Variants in GJC2 observed in about 807,000 individuals in gnomAD.
GJC2 encodes the protein gap junction protein gamma 2.
For missense variants in GJC2, 647 were observed against 648.9 expected (o/e 1.00, Z 0.03); for synonymous variants, 336 against 307.5 (o/e 1.09, Z -0.97).
In GJC2 at chr1:228,157,741, A is replaced by AGGCCCCCCCC; in HGVS notation, c.-18_-17insGGCCCCCCCC. 2.8e-6 allele frequency: 1 copy of AGGCCCCCCCC among 354,470 alleles called. No homozygotes were observed. Among genetic ancestry groups the AGGCCCCCCCC allele is most frequent in the Non-Finnish European group, 5.6e-6 (1 of 177,092 alleles). The allele number at this position is 354,470 out of a possible 1,614,324, so 22.0% of individuals were successfully genotyped here. On this transcript the variant is annotated splice_region_variant and 5_prime_UTR_variant, in exon 2 of 2. Transcript: ENST00000366714. Reference sequence around the variant, plus strand: ...GCTGACCCCTACCCCGCCCCACAGGACCCGCCCGCCCGCCCCTATGACCAA... The same window carrying AGGCCCCCCCC: ...GCTGACCCCTACCCCGCCCCACAGGAGGCCCCCCCCCCCGCCCGCCCGCCCCTATGACCAA...
At chr1:228,153,515 T>A (rs912948614) in intron 1 of GJC2, among the ~76,000 whole-genome samples, 2 of 151,176 alleles carry the variant, frequency 1.3e-5, no homozygotes. Flanking sequence ...GCTTCCCGAG[T>A]AGCTAGAAGT....
rs1317955145 is a variant in GJC2 at position 228,158,858 on chromosome 1, G to A, written c.1100G>A (p.Arg367His). ...CGCGACGGGGCAGCGGCTGGGGACCGCGACCGGGACAGTTCGCCGTGCGTC... is the reference window on the plus strand; with the variant it reads ...CGCGACGGGGCAGCGGCTGGGGACCACGACCGGGACAGTTCGCCGTGCGTC... ...ALRDGAAAGD[R>H]DRDSSPCVGL... Residue 367 changes from arginine to histidine, a missense_variant, in exon 2 of 2, where the codon CGC becomes CAC. Arg to His is a conservative substitution (Grantham distance 29). Transcript: ENST00000366714. The surrounding 1 kb of genome is among the most constrained non-coding windows in gnomAD (Gnocchi z 8.3). 1.4e-6 allele frequency: 2 copies of A among 1,477,692 alleles called. No individual in the cohort carries two copies. Among genetic ancestry groups the A allele is most frequent in the Admixed American group, 2.3e-5 (1 of 43,396 alleles). The allele number at this position is 1,477,692 out of a possible 1,614,324, so 91.5% of individuals were successfully genotyped here.
intron 1 of GJC2, among the ~76,000 whole-genome samples, chr1:228,153,928 G>A (rs1020473694): frequency 2.0e-5 from 3 of 152,104 alleles, no homozygotes; most frequent in African/African-American, 7.2e-5. Flanking sequence ...CCAGCATGGT[G>A]GCATGTGCCT....
At position 228,158,909 on chromosome 1, in the gene GJC2, C is replaced by T. The variant is rs775264492; in HGVS notation, c.1151C>T (p.Pro384Leu). ...CVGLPAASRG[P>L]PRAGAPASRT... ...GGCCTCCCTGCGGCCTCCCGGGGGCCCCCCAGAGCAGGCGCCCCCGCGTCC... is the reference window on the plus strand; with the variant it reads ...GGCCTCCCTGCGGCCTCCCGGGGGCTCCCCAGAGCAGGCGCCCCCGCGTCC... The change falls in exon 2 of 2, where the codon CCC (proline) becomes CTC (leucine). Residue 384 changes from proline (P) to leucine (L), a missense_variant. Transcript: ENST00000366714. This position sits in a 1 kb window ranked among gnomAD's most constrained non-coding sequence, Gnocchi z 8.3. The T allele has an allele frequency of 1.3e-6, 2 of 1,491,854 alleles. No individual in the cohort carries two copies. Among genetic ancestry groups the T allele is most frequent in the South Asian group, 1.3e-5 (1 of 79,152 alleles). 92.4% of individuals were successfully genotyped at this position (1,491,854 alleles called of 1,614,324 possible). A position where few individuals can be genotyped will look rare whatever the true frequency, so the allele number is the denominator to read the frequency against.
At chr1:228,157,659 G>A in intron 1 of GJC2, 81 bp from the exon 2 acceptor site, 1 of 773,180 alleles carries the variant, frequency 1.3e-6, no homozygotes, top group Non-Finnish European at 2.1e-6. Context: ...GGCCAGCTGC[G>A]AGGCAAGCCT....
chr1:228,154,940 C>A (rs2034662018), intron 1 of GJC2, among the ~76,000 whole-genome samples: 1 of 152,206 alleles, frequency 6.6e-6, no homozygotes, highest in African/African-American at 2.4e-5. Flanking sequence ...AAGGCCTGGG[C>A]CCCAGGTAGA....
At chr1:228,156,947 C>T (rs999724872) in intron 1 of GJC2, among the ~76,000 whole-genome samples, 1 of 152,274 alleles carries the variant, frequency 6.6e-6, no homozygotes, top group Non-Finnish European at 1.5e-5. Flanking sequence ...GACACCGTCC[C>T]TCCTGGACGG....
intron 1 of GJC2, among the ~76,000 whole-genome samples, chr1:228,157,341 G>A (rs1277717099): frequency 2.0e-5 from 3 of 152,150 alleles, no homozygotes; most frequent in Non-Finnish European, 4.4e-5. Context: ...GGGAGCTGGA[G>A]GGGCCAGGAG....
At position 228,159,224 on chromosome 1, in the gene GJC2, G is replaced by C; in HGVS notation, c.*146G>C. On this transcript the variant is annotated 3_prime_UTR_variant, in exon 2 of 2. Transcript: ENST00000366714. This position sits in a 1 kb window ranked among gnomAD's most constrained non-coding sequence, Gnocchi z 4.0. ...GGGGCAGCCAGGCTGCTCAGGGAAG[G>C]GGCTGAAAGCGGCAGAGGAGTGCCC... 1 of 985,992 alleles carries C rather than the reference G, an allele frequency of 1.0e-6. No individual in the cohort carries two copies. 61.1% of individuals were successfully genotyped at this position (985,992 alleles called of 1,614,324 possible).
chr1:228,151,215 C>G lies in GJC2; in HGVS notation c.-20+1208C>G, dbSNP rs1482452702. 6.6e-6 allele frequency among the ~76,000 whole-genome samples: 1 copy of G among 152,114 alleles called. No homozygotes were observed. Among genetic ancestry groups the G allele is most frequent in the Non-Finnish European group, 1.5e-5 (1 of 67,984 alleles). On this transcript the variant is annotated intron_variant, in intron 1 of 1. Transcript: ENST00000366714. The surrounding 1 kb of genome is among the most constrained non-coding windows in gnomAD (Gnocchi z 5.4). ...GGAGGAGGCACCAGCCTGGATGCTGCCTTGCCACCTGCACGTGTGCACGGC... is the reference window on the plus strand; with the variant it reads ...GGAGGAGGCACCAGCCTGGATGCTGGCTTGCCACCTGCACGTGTGCACGGC...
chr1:228,157,781 T>G lies in GJC2; in HGVS notation c.23T>G (p.Phe8Cys). The change falls in exon 2 of 2, where the codon TTC becomes TGC. Residue 8 changes from phenylalanine to cysteine, a missense_variant. Transcript: ENST00000366714. MTNMSWS[F>C]LTRLLEEIHN... is the part of the protein sequence containing the mutation. Reference sequence around the variant, plus strand: ...CCTATGACCAACATGAGCTGGAGCTTCCTGACGCGGCTGCTGGAGGAGATC... The same window carrying G: ...CCTATGACCAACATGAGCTGGAGCTGCCTGACGCGGCTGCTGGAGGAGATC... The G allele has an allele frequency of 2.0e-6, 2 of 1,001,020 alleles. No homozygotes were observed. Among genetic ancestry groups the G allele is most frequent in the Non-Finnish European group, 2.7e-6 (2 of 729,006 alleles). The allele number at this position is 1,001,020 out of a possible 1,614,324, so 62.0% of individuals were successfully genotyped here. A position where few individuals can be genotyped will look rare whatever the true frequency, so the allele number is the denominator to read the frequency against.
chr1:228,155,210 A>G (rs1359456819), intron 1 of GJC2, among the ~76,000 whole-genome samples: 1 of 152,184 alleles, frequency 6.6e-6, no homozygotes, highest in African/African-American at 2.4e-5. Flanking sequence ...TGGCGAGGCC[A>G]GGTAGCAAAG....
chr1:228,158,025 G>A lies in GJC2; in HGVS notation c.267G>A (p.Thr89=), dbSNP rs1157542857. Residue 89 remains threonine (T), a synonymous_variant, in exon 2 of 2, where the codon ACG becomes ACA. Coordinates refer to ENST00000366714, the MANE Select transcript of GJC2 (RefSeq NM_020435.4). The surrounding 1 kb of genome is among the most constrained non-coding windows in gnomAD (Gnocchi z 8.3). ...TCTTCCAGATTGTGGTCATCTCCACGCCCTCGGTCATGTACCTGGGCTACG... is the reference window on the plus strand; with the variant it reads ...TCTTCCAGATTGTGGTCATCTCCACACCCTCGGTCATGTACCTGGGCTACG... The part of the protein sequence containing the change: ...FWVFQIVVIS[T]PSVMYLGYAV... 1 of 1,611,066 alleles carries A rather than the reference G, an allele frequency of 6.2e-7. No individual in the cohort carries two copies. Among genetic ancestry groups the A allele is most frequent in the Non-Finnish European group, 8.5e-7 (1 of 1,179,556 alleles).
At position 228,158,970 on chromosome 1, in the gene GJC2, G is replaced by A. The variant is rs779145910; in HGVS notation, c.1212G>A (p.Gly404=). 4 of 1,593,518 alleles carry A rather than the reference G, an allele frequency of 2.5e-6. No homozygotes were observed. The highest frequency in any genetic ancestry group is 1.7e-6 in the Non-Finnish European group (2 of 1,171,900). Residue 404 remains glycine (G), a synonymous_variant, in exon 2 of 2, where the codon GGG becomes GGA. Transcript: ENST00000366714. The surrounding 1 kb of genome is among the most constrained non-coding windows in gnomAD (Gnocchi z 8.3). ...TGSATSAGTV[G]EQGRPGTHER... ...GTGCTACCTCTGCGGGCACTGTCGG[G>A]GAGCAGGGCCGGCCCGGCACCCACG...
rs2034701717 is a variant in GJC2 at position 228,157,612 on chromosome 1, G to A, written c.-19-128G>A. The A allele has an allele frequency of 8.1e-6, 5 of 619,252 alleles. No individual in the cohort carries two copies. The East Asian group carries it at 1.1e-4, about 14-fold the overall frequency. The allele number at this position is 619,252 out of a possible 1,614,324, so 38.4% of individuals were successfully genotyped here. A position where few individuals can be genotyped will look rare whatever the true frequency, so the allele number is the denominator to read the frequency against. On this transcript the variant is annotated intron_variant, in intron 1 of 1. Coordinates refer to ENST00000366714, the MANE Select transcript of GJC2 (RefSeq NM_020435.4). The stretch of plus-strand genomic sequence containing the variant: ...GGGGGCTTCCACTTCCGTTTAAGGC[G>A]GTAAGCTCCACGTCATTGACTGTGT...
rs1003777940 is a variant in GJC2 at position 228,150,041 on chromosome 1, G to A, written c.-20+34G>A. 3 of 152,266 alleles carry A rather than the reference G, an allele frequency of 2.0e-5. No homozygotes were observed. The highest frequency in any genetic ancestry group is 4.4e-5 in the Non-Finnish European group (3 of 68,108). 9.4% of individuals were successfully genotyped at this position (152,266 alleles called of 1,614,324 possible). A position where few individuals can be genotyped will look rare whatever the true frequency, so the allele number is the denominator to read the frequency against. ...CTGGGGTCCATGTATGTACCTCATGGGGCTGGGGGCTGTTGCCCCAGGAGA... is the reference window on the plus strand; with the variant it reads ...CTGGGGTCCATGTATGTACCTCATGAGGCTGGGGGCTGTTGCCCCAGGAGA... On this transcript the variant is annotated intron_variant, in intron 1 of 1. Transcript: ENST00000366714. The surrounding 1 kb of genome is among the most constrained non-coding windows in gnomAD (Gnocchi z 4.6).
In GJC2 at chr1:228,151,181, C is replaced by T. The variant is rs2034612510; in HGVS notation, c.-20+1174C>T. ...GCCAACAACCCCAGGGAGGAGAGGG[C>T]TCCACGGGGGAGGAGGCACCAGCCT... On this transcript the variant is annotated intron_variant, in intron 1 of 1. Coordinates refer to ENST00000366714, the MANE Select transcript of GJC2 (RefSeq NM_020435.4). This position sits in a 1 kb window ranked among gnomAD's most constrained non-coding sequence, Gnocchi z 5.4. Among the ~76,000 whole-genome samples, 1 of 152,130 alleles carries T rather than the reference C, an allele frequency of 6.6e-6. No individual in the cohort carries two copies. The highest frequency in any genetic ancestry group is 6.5e-5 in the Admixed American group (1 of 15,280).
rs1232871344 is a variant in GJC2, at chr1:228,158,718, C to A, written c.960C>A (p.Phe320Leu). Residue 320 changes from phenylalanine (F) to leucine (L), a missense_variant, in exon 2 of 2, where the codon TTC becomes TTA. By Grantham distance (22) the Phe-to-Leu change is conservative. Transcript: ENST00000366714. This position sits in a 1 kb window ranked among gnomAD's most constrained non-coding sequence, Gnocchi z 8.3. ...APAPRPPPCA[F>L]PAAAAGLACP... ...CGCCGCGGCCCCCGCCCTGCGCCTT[C>A]CCTGCGGCGGCCGCTGGCTTGGCCT... 7.7e-7 allele frequency: 1 copy of A among 1,302,790 alleles called. No individual in the cohort carries two copies. The highest frequency in any genetic ancestry group is 9.8e-7 in the Non-Finnish European group (1 of 1,018,532). 80.7% of individuals were successfully genotyped at this position (1,302,790 alleles called of 1,614,324 possible).
In GJC2 at chr1:228,159,086, G is replaced by C. The variant is rs780010671; in HGVS notation, c.*8G>C. On this transcript the variant is annotated 3_prime_UTR_variant, in exon 2 of 2. Transcript: ENST00000366714. This position sits in a 1 kb window ranked among gnomAD's most constrained non-coding sequence, Gnocchi z 4.0. Reference sequence around the variant, plus strand: ...ACCACCGTGTGGATCTGAGGGCGCTGGCTTGCGAGCTGGGCCAGGGAGGAG... The same window carrying C: ...ACCACCGTGTGGATCTGAGGGCGCTCGCTTGCGAGCTGGGCCAGGGAGGAG... 1 of 1,609,620 alleles carries C rather than the reference G, an allele frequency of 6.2e-7. No homozygotes were observed. Among genetic ancestry groups the C allele is most frequent in the Non-Finnish European group, 8.5e-7 (1 of 1,179,282 alleles).
Sources: allele counts gnomAD v4.1 joint callset (sites outside exome capture counted in the v4.1 genomes callset), GRCh38; gene constraint gnomAD v4.1.1; non-coding constraint Gnocchi (gnomAD v3.1); transcripts MANE v1.5; gene names NCBI Gene and HGNC (gene_info 2026-07-23, HGNC 2026-07-21).